GPR17: variants seen among roughly 807,000 people sequenced by gnomAD.
GPR17 encodes the protein G protein-coupled receptor 17, also known as uracil nucleotide/cysteinyl leukotriene receptor.
Under a neutral mutation model 1.5 loss-of-function variants are expected in GPR17, and 4 were observed. That is an observed-to-expected ratio of 2.73 (90% confidence interval 1.35 to 6.25). GPR17 has a LOEUF of 6.25. GPR17 is among the 30% of genes most tolerant of loss of function. The probability of loss-of-function intolerance (pLI) is 0.00; values close to 1 mark genes in which losing one functional copy is unlikely to be tolerated. For missense variants in GPR17, 463 were observed against 462.1 expected (o/e 1.00, Z -0.02); for synonymous variants, 209 against 207.6 (o/e 1.01, Z -0.06).
At chr2:127,650,638 C>A in intron 1 of GPR17, 78 bp from the exon 2 acceptor site, 1 of 1,015,678 alleles carries the variant, frequency 9.8e-7, no homozygotes, top group Non-Finnish European at 1.5e-6. Context: ...GCATTGGAGG[C>A]CTGACTTCTG....
Position 127,650,588 on chromosome 2 carries a change from C to T in GPR17, c.-20-128C>T. 9.0e-6 allele frequency: 6 copies of T among 669,984 alleles called. No individual in the cohort carries two copies. The South Asian group carries it at 1.1e-4, about 12-fold the overall frequency. The allele number at this position is 669,984 out of a possible 1,614,324, so 41.5% of individuals were successfully genotyped here. ...GGACAAGGAGGTCCCCTCAGCAGCC[C>T]CGTGGGCGGTGCTGAGCTTGAAAGT... is the stretch of plus-strand genomic sequence containing the variant. On this transcript the variant is annotated intron_variant, in intron 1 of 1. Coordinates refer to ENST00000486700, the MANE Select transcript of GPR17 (RefSeq NM_001161417.2).
At position 127,651,762 on chromosome 2, in the gene GPR17, G is replaced by A. The variant is rs775630529; in HGVS notation, c.*7G>A. 5 of 1,609,638 alleles carry A rather than the reference G, an allele frequency of 3.1e-6. No homozygotes were observed. Among genetic ancestry groups the A allele is most frequent in the East Asian group, 2.2e-5 (1 of 44,798 alleles). On this transcript the variant is annotated 3_prime_UTR_variant, in exon 2 of 2. Coordinates refer to ENST00000486700, the MANE Select transcript of GPR17 (RefSeq NM_001161417.2). ...TGCCAAGTCAGAGCTGTGAGCGGGG[G>A]GCGCCGTCCAGGCCGAGCGCAGACT...
intron 1 of GPR17, chr2:127,649,974 C>T (rs768792400): frequency 2.2e-5 from 34 of 1,574,006 alleles, no homozygotes; most frequent in African/African-American, 6.8e-5. Flanking sequence ...TACCCAGGCA[C>T]AGGCTTCTCC....
chr2:127,648,271 G>A lies in GPR17; in HGVS notation c.-21+2027G>A, dbSNP rs926582623. The A allele has an allele frequency of 1.4e-5, 12 of 884,280 alleles. No individual in the cohort carries two copies. The South Asian group carries it at 3.1e-4, about 23-fold the overall frequency. The allele number at this position is 884,280 out of a possible 1,614,324, so 54.8% of individuals were successfully genotyped here. A position where few individuals can be genotyped will look rare whatever the true frequency, so the allele number is the denominator to read the frequency against. On this transcript the variant is annotated intron_variant, in intron 1 of 1. Transcript: ENST00000486700. ...GGCATCTTGAAACACTCTGAAGCCG[G>A]GGGCAATCTTTTCAGGTAGGGGAAC...
At position 127,651,800 on chromosome 2, in the gene GPR17, G is replaced by C; in HGVS notation, c.*45G>C. ...CCGAGCGCAGACTGTTTAGGACTCA[G>C]CAGACCCAGCAAGAGGCATCTGCCC... On this transcript the variant is annotated 3_prime_UTR_variant, in exon 2 of 2. Coordinates refer to ENST00000486700, the MANE Select transcript of GPR17 (RefSeq NM_001161417.2). The C allele has an allele frequency of 6.4e-7, 1 of 1,559,898 alleles. No homozygotes were observed. The highest frequency in any genetic ancestry group is 8.7e-7 in the Non-Finnish European group (1 of 1,144,380).
chr2:127,648,202 G>A (rs1327728343), intron 1 of GPR17: 1 of 985,256 alleles, frequency 1.0e-6, no homozygotes, highest in East Asian at 1.1e-4. Flanking sequence ...AACAGACCCT[G>A]TTCCTGGAAG....
Position 127,651,392 on chromosome 2 carries a change from G to A in GPR17, c.657G>A (p.Leu219=), listed in dbSNP as rs1200722798. The part of the protein sequence containing the change: ...VTCYLLIIRS[L]RQGLRVEKRL... ...GCTACCTGCTGATCATCCGCAGCCT[G>A]CGGCAGGGCCTGCGTGTGGAGAAGC... The change falls in exon 2 of 2, where the codon CTG becomes CTA. Residue 219 remains leucine (L), a synonymous_variant. Coordinates refer to ENST00000486700, the MANE Select transcript of GPR17 (RefSeq NM_001161417.2). 1.2e-6 allele frequency: 2 copies of A among 1,612,796 alleles called. No individual in the cohort carries two copies.
Position 127,651,120 on chromosome 2 carries a change from C to T in GPR17, c.385C>T (p.Arg129Cys), listed in dbSNP as rs201939521. ...IYFLTCISAD[R>C]FLAIVHPVKS... ...CTTCCTCACCTGCATCAGCGCCGAC[C>T]GTTTCCTGGCCATTGTGCACCCGGT... Residue 129 changes from arginine to cysteine, a missense_variant, in exon 2 of 2, where the codon CGT becomes TGT. Coordinates refer to ENST00000486700, the MANE Select transcript of GPR17 (RefSeq NM_001161417.2). The T allele has an allele frequency of 1.6e-5, 26 of 1,613,504 alleles. 1 individual carries two copies. The East Asian group carries it at 3.8e-4, about 24-fold the overall frequency.
chr2:127,652,575 C>A lies in GPR17; in HGVS notation c.*820C>A. ...TTCCCTTGCTAGTGTGCAGATATTT[C>A]CCTAACATGTCCTTTTTTGTATTTG... is the stretch of plus-strand genomic sequence containing the variant. On this transcript the variant is annotated 3_prime_UTR_variant, in exon 2 of 2. Coordinates refer to ENST00000486700, the MANE Select transcript of GPR17 (RefSeq NM_001161417.2). The A allele has an allele frequency of 6.0e-6, 1 of 166,700 alleles. No homozygotes were observed. 10.3% of individuals were successfully genotyped at this position (166,700 alleles called of 1,614,324 possible).
intron 1 of GPR17, chr2:127,649,956 T>C (rs771201279): frequency 1.4e-6 from 2 of 1,432,518 alleles, no homozygotes; most frequent in South Asian, 1.2e-5. Flanking sequence ...TACTCCCAGC[T>C]GGCCTGATAC....
At position 127,647,315 on chromosome 2, in the gene GPR17, G is replaced by A. The variant is rs919703277; in HGVS notation, c.-21+1071G>A. The stretch of plus-strand genomic sequence containing the variant: ...GAGACTGAGTCACACTCCCCACCCT[G>A]GCGGTCTTCCAGGGAGTGAGACCGT... On this transcript the variant is annotated intron_variant, in intron 1 of 1. Transcript: ENST00000486700. This position sits in a 1 kb window ranked among gnomAD's most constrained non-coding sequence, Gnocchi z 4.3. Among the ~76,000 whole-genome samples, 2 of 152,168 alleles carry A rather than the reference G, an allele frequency of 1.3e-5. No individual in the cohort carries two copies. The highest frequency in any genetic ancestry group is 6.5e-5 in the Admixed American group (1 of 15,280).
chr2:127,650,609 A>G, intron 1 of GPR17, 107 bp from the exon 2 acceptor site: 1 of 766,500 alleles, frequency 1.3e-6, no homozygotes, highest in Non-Finnish European at 2.1e-6. Context: ...GCTGAGCTTG[A>G]AAGTGGGAGG....
rs1346196975 is a variant in GPR17, at chr2:127,650,760, C to T, written c.25C>T (p.Pro9Ser). 1.4e-5 allele frequency: 23 copies of T among 1,613,638 alleles called. No homozygotes were observed. Among genetic ancestry groups the T allele is most frequent in the Non-Finnish European group, 1.7e-5 (20 of 1,179,836 alleles). The change falls in exon 2 of 2, where the codon CCA becomes TCA. Residue 9 changes from proline to serine, a missense_variant. Physicochemically the swap from Pro to Ser is moderately conservative, Grantham distance 74. Coordinates refer to ENST00000486700, the MANE Select transcript of GPR17 (RefSeq NM_001161417.2). Reference protein sequence around the residue: MNGLEVAPPGLITNFSLAT... With the variant: MNGLEVAPSGLITNFSLAT... ...CATGAATGGCCTTGAAGTGGCTCCCCCAGGTCTGATCACCAACTTCTCCCT... is the reference window on the plus strand; with the variant it reads ...CATGAATGGCCTTGAAGTGGCTCCCTCAGGTCTGATCACCAACTTCTCCCT...
At chr2:127,650,483 G>C in intron 1 of GPR17, 4 of 566,116 alleles carry the variant, frequency 7.1e-6, no homozygotes, top group Non-Finnish European at 1.3e-5. Context: ...CAGCTGCATA[G>C]CGGCGAAATT....
chr2:127,650,270 G>C (rs947486034), intron 1 of GPR17, among the ~76,000 whole-genome samples: 4 of 152,234 alleles, frequency 2.6e-5, no homozygotes, highest in Admixed American at 2.0e-4. Context: ...ACCTGCCAAG[G>C]CTTGGGCTGA....
In GPR17 at chr2:127,651,209, G is replaced by A; in HGVS notation, c.474G>A (p.Val158=). 6.2e-7 allele frequency: 1 copy of A among 1,609,952 alleles called. No homozygotes were observed. The highest frequency in any genetic ancestry group is 8.5e-7 in the Non-Finnish European group (1 of 1,179,644). ...TGGCCTGTGCCTTCCTGTGGGTGGT[G>A]GTGGCTGTGGCCATGGCCCCGCTGC... The part of the protein sequence containing the change: ...AHLACAFLWV[V]VAVAMAPLLV... Residue 158 remains valine (V), a synonymous_variant, in exon 2 of 2, where the codon GTG becomes GTA. Transcript: ENST00000486700.
intron 1 of GPR17, chr2:127,648,254 G>A: frequency 1.1e-6 from 1 of 942,374 alleles, no homozygotes; most frequent in Non-Finnish European, 1.3e-6. Flanking sequence ...CAGGCATCTT[G>A]AAACACTCTG....
In GPR17 at chr2:127,650,022, G is replaced by A. The variant is rs200450704; in HGVS notation, c.-20-694G>A. The A allele has an allele frequency of 1.0e-4, 168 of 1,608,572 alleles. 5 individuals carry two copies. In the South Asian group the frequency reaches 1.7e-3, roughly 16 times the overall value. On this transcript the variant is annotated intron_variant, in intron 1 of 1. Coordinates refer to ENST00000486700, the MANE Select transcript of GPR17 (RefSeq NM_001161417.2). ...TCCCCACCTGTCAGGATGTCCAAAC[G>A]GAGTTGGTGGGCTGGATCCAGAAAG...
At chr2:127,649,850 A>G in intron 1 of GPR17, 1 of 639,194 alleles carries the variant, frequency 1.6e-6, no homozygotes, top group Non-Finnish European at 2.7e-6. Flanking sequence ...CGTCCTCAAC[A>G]GCGCTGGCCA....
Sources: gnomAD v4.1 joint callset for allele counts (sites outside exome capture counted in the v4.1 genomes callset) on GRCh38, gnomAD v4.1.1 for gene constraint, Gnocchi (gnomAD v3.1) non-coding constraint, MANE v1.5 for transcripts, NCBI Gene and HGNC (gene_info 2026-07-23, HGNC 2026-07-21) for gene names.